The following ABCB11 variants were observed in gnomAD, a reference collection of about 807,000 sequenced individuals.
The protein encoded by ABCB11 is bile salt export pump.
In ABCB11, 95 loss-of-function variants were observed where a neutral mutation model predicts 148.0. That is an observed-to-expected ratio of 0.64 (90% CI 0.54 to 0.76). ABCB11 has a LOEUF of 0.76. Ranked by LOEUF, ABCB11 falls within the 30% of genes least tolerant of loss-of-function variation. The pLI is 0.00. For synonymous variants in ABCB11, 591 were observed against 555.4 expected (o/e 1.06, Z -0.90); for missense variants, 1,523 against 1,617.8 (o/e 0.94, Z 1.01).
chr2:168,972,368 T>C (rs1693621469), intron 13 of ABCB11, among the ~76,000 whole-genome samples: 1 of 151,974 alleles, frequency 6.6e-6, no homozygotes, highest in South Asian at 2.1e-4. Flanking sequence ...GTTTTAAATA[T>C]TTTTATATCT....
At chr2:168,946,439 G>A (rs534495053) in intron 19 of ABCB11, among the ~76,000 whole-genome samples, 5 of 151,886 alleles carry the variant, frequency 3.3e-5, no homozygotes, top group African/African-American at 1.2e-4. Flanking sequence ...CTAAATTAAT[G>A]AGATTTTACT....
chr2:169,014,084 G>C (rs1695279024), intron 4 of ABCB11, among the ~76,000 whole-genome samples: 1 of 152,114 alleles, frequency 6.6e-6, no homozygotes, highest in South Asian at 2.1e-4. Context: ...AATTTTCCAA[G>C]ACATTTTTCT....
chr2:168,984,883 A>G (rs1694260928), intron 10 of ABCB11, among the ~76,000 whole-genome samples: 1 of 152,196 alleles, frequency 6.6e-6, no homozygotes, highest in Non-Finnish European at 1.5e-5. Flanking sequence ...CAAAGATTTC[A>G]TGACCAAGAA....
At chr2:168,937,766 C>T (rs1256321469) in intron 21 of ABCB11, among the ~76,000 whole-genome samples, 1 of 152,196 alleles carries the variant, frequency 6.6e-6, no homozygotes, top group East Asian at 1.9e-4. Context: ...TTGAAGTTAG[C>T]CTGCTCGTTG....
intron 10 of ABCB11, among the ~76,000 whole-genome samples, chr2:168,984,603 A>G (rs1694252681): frequency 6.6e-6 from 1 of 152,178 alleles, no homozygotes; most frequent in Non-Finnish European, 1.5e-5. Context: ...ATCTTGGACT[A>G]TCATAAAGCT....
chr2:168,953,452 C>CTTTTTTTTTTTTTT (rs35351007), intron 19 of ABCB11, among the ~76,000 whole-genome samples: 1 of 142,666 alleles, frequency 7.0e-6, no homozygotes, highest in Non-Finnish European at 1.5e-5. Flanking sequence ...ATTATCTTGT[C>CTTTTTTTTTTTTTT]TTTTTTTTTT....
At chr2:168,998,412 C>A (rs1348400769) in intron 5 of ABCB11, among the ~76,000 whole-genome samples, 1 of 151,966 alleles carries the variant, frequency 6.6e-6, no homozygotes, top group Non-Finnish European at 1.5e-5. Flanking sequence ...AACAATAATA[C>A]ATTGACTATT....
chr2:168,936,492 A>G (rs1691834210), intron 21 of ABCB11, 59 bp from the exon 22 acceptor site: 3 of 1,526,374 alleles, frequency 2.0e-6, no homozygotes, highest in Admixed American at 1.7e-5. Context: ...ACCAATTACC[A>G]TTACACAAAA....
At chr2:168,972,540 A>G (rs1270963713) in intron 13 of ABCB11, among the ~76,000 whole-genome samples, 2 of 152,040 alleles carry the variant, frequency 1.3e-5, no homozygotes, top group Non-Finnish European at 2.9e-5. Flanking sequence ...AGCAAATAAA[A>G]ATCACTATTA....
At chr2:168,941,768 A>G (rs1692070125) in intron 21 of ABCB11, among the ~76,000 whole-genome samples, 1 of 152,084 alleles carries the variant, frequency 6.6e-6, no homozygotes, top group South Asian at 2.1e-4. Flanking sequence ...CAGTTGTCTT[A>G]TAAGATATTG....
intron 5 of ABCB11, among the ~76,000 whole-genome samples, chr2:169,008,922 C>G (rs34691362): frequency 0.023 from 3,519 of 152,274 alleles, 131 homozygotes; most frequent in African/African-American, 0.079. Context: ...AGATACATAA[C>G]ATGTATTATA....
At chr2:168,956,153 C>T (rs532506555) in intron 19 of ABCB11, among the ~76,000 whole-genome samples, 12 of 151,598 alleles carry the variant, frequency 7.9e-5, no homozygotes, top group South Asian at 6.2e-4. Flanking sequence ...GAAGAGAGAG[C>T]GAAAGGGGAA....
intron 5 of ABCB11, among the ~76,000 whole-genome samples, chr2:169,005,585 G>A (rs148491677): frequency 2.5e-4 from 38 of 152,186 alleles, no homozygotes; most frequent in African/African-American, 8.2e-4. Flanking sequence ...CTATTTCCAG[G>A]CAGCCAGTGA....
Position 168,979,974 on chromosome 2 carries a change from G to T in ABCB11, c.1089C>A (p.Phe363Leu). Residue 363 changes from phenylalanine (F) to leucine (L), a missense_variant, in exon 11 of 28, where the codon TTC (phenylalanine) becomes TTA (leucine). Physicochemically the swap from Phe to Leu is conservative, Grantham distance 22. Coordinates refer to ENST00000650372, the MANE Select transcript of ABCB11 (RefSeq NM_003742.4). The part of the protein sequence containing the change: ...EYTPGTLVQI[F>L]LSVIVGALNL... ...TTAAAGCTCCTACTATGACACTGAG[G>T]AAAATCTGAAATGAAAAGAGAGAGA... The T allele has an allele frequency of 6.3e-7, 1 of 1,587,426 alleles. No individual in the cohort carries two copies.
chr2:169,009,588 G>T (rs1695121284), intron 5 of ABCB11, among the ~76,000 whole-genome samples: 2 of 106,060 alleles, frequency 1.9e-5, no homozygotes, highest in Non-Finnish European at 3.6e-5. Flanking sequence ...TGGGGTGGGG[G>T]GAGGGGGGAG....
chr2:169,012,195 T>G (rs1405768124), intron 5 of ABCB11, among the ~76,000 whole-genome samples: 3 of 152,130 alleles, frequency 2.0e-5, no homozygotes, highest in Non-Finnish European at 2.9e-5. Context: ...AGGGAGCCAT[T>G]CCTAGTGTCT....
intron 10 of ABCB11, among the ~76,000 whole-genome samples, chr2:168,981,668 G>A (rs1694141351): frequency 1.3e-5 from 2 of 152,122 alleles, no homozygotes; most frequent in African/African-American, 4.8e-5. Flanking sequence ...ACACACGTCA[G>A]AGGTCTTCCT....
At chr2:168,964,117 G>C in intron 18 of ABCB11, 89 bp downstream of exon 18, 8 of 941,208 alleles carry the variant, frequency 8.5e-6, no homozygotes, top group Non-Finnish European at 1.3e-5. Flanking sequence ...TATATACCTA[G>C]AAAACTCATA....
intron 16 of ABCB11, among the ~76,000 whole-genome samples, 165 bp from the exon 17 acceptor site, chr2:168,968,655 T>C (rs1178566251): frequency 6.6e-6 from 1 of 151,948 alleles, no homozygotes; most frequent in East Asian, 1.9e-4. Context: ...GTCCTGCAGA[T>C]TCTAATAAAA....
Sources: allele counts gnomAD v4.1 joint callset (sites outside exome capture counted in the v4.1 genomes callset), GRCh38; gene constraint gnomAD v4.1.1; transcripts MANE v1.5; gene names NCBI Gene and HGNC (gene_info 2026-07-23, HGNC 2026-07-21).